Variants in COL5A2 observed in about 807,000 individuals in gnomAD.
COL5A2 encodes the protein collagen type V alpha 2 chain.
Under a neutral mutation model 208.2 loss-of-function variants are expected in COL5A2, and 23 were observed. The ratio of observed to expected loss-of-function variants is 0.11; its 90% CI spans 0.08 to 0.16. The LOEUF (loss-of-function observed/expected upper bound fraction) is 0.16, where lower values mean the gene tolerates loss of function less well. COL5A2 is among the 10% of genes least tolerant of loss of function. COL5A2 has a pLI of 1.00. For synonymous variants in COL5A2, 625 were observed against 628.5 expected (o/e 0.99, Z 0.08); for missense variants, 1,590 against 1,956.4 (o/e 0.81, Z 3.53).
At chr2:189,438,680 G>A in the COL5A2 span, among the ~76,000 whole-genome samples, 1 of 152,178 alleles carries the variant, frequency 6.6e-6, no homozygotes, top group East Asian at 1.9e-4. Context: ...TTGGGGAGGG[G>A]AAGGAGAAAT....
intron 1 of COL5A2, among the ~76,000 whole-genome samples, chr2:189,123,981 G>A (rs571688605): frequency 6.6e-6 from 1 of 152,256 alleles, no homozygotes; most frequent in African/African-American, 2.4e-5. Flanking sequence ...AAAGTCTTAA[G>A]TCACACTCTA....
chr2:189,253,544 T>C, the COL5A2 span, among the ~76,000 whole-genome samples: 29 of 152,380 alleles, frequency 1.9e-4, no homozygotes, highest in East Asian at 4.2e-3. Context: ...TTCGAATTTG[T>C]TGAGCATTCC....
At chr2:189,383,693 G>A in the COL5A2 span, among the ~76,000 whole-genome samples, 1 of 151,984 alleles carries the variant, frequency 6.6e-6, no homozygotes. Flanking sequence ...CATACAATGT[G>A]TAATGATCAA....
At chr2:189,090,292 A>G (rs1686756196) in intron 7 of COL5A2, among the ~76,000 whole-genome samples, 1 of 152,212 alleles carries the variant, frequency 6.6e-6, no homozygotes, top group Non-Finnish European at 1.5e-5. Flanking sequence ...AACCCTCTTC[A>G]ATTCTGTGAA....
At chr2:189,259,555 A>C in the COL5A2 span, among the ~76,000 whole-genome samples, 3 of 152,180 alleles carry the variant, frequency 2.0e-5, no homozygotes, top group Non-Finnish European at 4.4e-5. Flanking sequence ...CTTGATTACA[A>C]TAACAAATTC....
the COL5A2 span, among the ~76,000 whole-genome samples, chr2:189,324,641 G>A: frequency 1.2e-4 from 19 of 152,216 alleles, no homozygotes; most frequent in African/African-American, 4.6e-4. Context: ...CAGTTAGAAT[G>A]GCGATCATTA....
At chr2:189,097,915 G>C (rs1686953949) in intron 5 of COL5A2, among the ~76,000 whole-genome samples, 1 of 152,050 alleles carries the variant, frequency 6.6e-6, no homozygotes, top group South Asian at 2.1e-4. Context: ...TACTTCCCTT[G>C]TATGTTTAAA....
chr2:189,195,358 GAATT>G (rs960440157), intron 1 of COL5A2, among the ~76,000 whole-genome samples: 6 of 152,176 alleles, frequency 3.9e-5, no homozygotes, highest in African/African-American at 1.4e-4. Flanking sequence ...TGGATAGGAA[GAATT>G]AATATCGTGA....
chr2:189,307,440 G>A, the COL5A2 span, among the ~76,000 whole-genome samples: 5,619 of 152,176 alleles, frequency 0.037, 117 homozygotes, highest in Admixed American at 0.05. Context: ...AGCAGAAAGA[G>A]GAAATTCAGT....
chr2:189,308,205 C>T, the COL5A2 span, among the ~76,000 whole-genome samples: 1 of 132,962 alleles, frequency 7.5e-6, no homozygotes, highest in African/African-American at 2.8e-5. Flanking sequence ...CTAAGCCCTC[C>T]CCCCTCCCTC....
chr2:189,049,516 A>G, intron 43 of COL5A2, 62 bp from the exon 44 acceptor site: 1 of 1,354,454 alleles, frequency 7.4e-7, no homozygotes, highest in South Asian at 1.2e-5. Flanking sequence ...AGTTCCCATA[A>G]AGGCTAAGTT....
In COL5A2 at chr2:189,098,774, A is replaced by T; in HGVS notation, c.370-15T>A. 6.2e-7 allele frequency: 1 copy of T among 1,610,782 alleles called. No homozygotes were observed. Among genetic ancestry groups the T allele is most frequent in the African/African-American group, 1.3e-5 (1 of 75,016 alleles). On this transcript the variant is annotated splice_polypyrimidine_tract_variant and intron_variant, in intron 4 of 53. Transcript: ENST00000374866. Reference sequence around the variant, plus strand: ...ATGCCTGTTACCTAAACAATAAACAAGAAAATTTGTAAAGGTAAAGTTTCT... The same window carrying T: ...ATGCCTGTTACCTAAACAATAAACATGAAAATTTGTAAAGGTAAAGTTTCT...
chr2:189,099,265 C>T (rs769399817), intron 4 of COL5A2, among the ~76,000 whole-genome samples: 25 of 148,742 alleles, frequency 1.7e-4, no homozygotes, highest in Non-Finnish European at 3.5e-4. Context: ...AGGTAATCTT[C>T]GTTAAAAAAA....
At chr2:189,286,560 G>A in the COL5A2 span, among the ~76,000 whole-genome samples, 20 of 152,084 alleles carry the variant, frequency 1.3e-4, no homozygotes, top group African/African-American at 4.8e-4. Flanking sequence ...TCAGACTTGA[G>A]TACAGACAGA....
the COL5A2 span, among the ~76,000 whole-genome samples, chr2:189,387,458 T>C: frequency 6.6e-6 from 1 of 152,090 alleles, no homozygotes; most frequent in African/African-American, 2.4e-5. Context: ...TACCCCCTGA[T>C]TCTAAAATAA....
At chr2:189,243,524 A>G in the COL5A2 span, among the ~76,000 whole-genome samples, 1 of 152,224 alleles carries the variant, frequency 6.6e-6, no homozygotes, top group Admixed American at 6.5e-5. Flanking sequence ...TGAGAACAAC[A>G]TGGGAAAGAC....
chr2:189,141,404 G>T (rs1687931861), intron 1 of COL5A2, among the ~76,000 whole-genome samples: 2 of 152,056 alleles, frequency 1.3e-5, no homozygotes, highest in Admixed American at 1.3e-4. Context: ...GGGTTCACAG[G>T]GGCGAAATGA....
At chr2:189,224,891 T>C (rs933508133) in intron 1 of COL5A2, among the ~76,000 whole-genome samples, 2 of 152,000 alleles carry the variant, frequency 1.3e-5, no homozygotes, top group African/African-American at 4.8e-5. Flanking sequence ...GTCAATATAC[T>C]TGATTTGCTA....
At chr2:189,159,186 A>G (rs1688311490) in intron 1 of COL5A2, among the ~76,000 whole-genome samples, 1 of 152,226 alleles carries the variant, frequency 6.6e-6, no homozygotes, top group Admixed American at 6.5e-5. Context: ...CATTTTCATT[A>G]GAGAACCTCC....
Sources: allele counts gnomAD v4.1 joint callset (sites outside exome capture counted in the v4.1 genomes callset), GRCh38; gene constraint gnomAD v4.1.1; transcripts MANE v1.5; gene names NCBI Gene and HGNC (gene_info 2026-07-23, HGNC 2026-07-21).